GSG1: variants seen among roughly 807,000 people sequenced by gnomAD.
GSG1 encodes germ cell associated 1.
A neutral mutation model predicts 30.8 loss-of-function variants in GSG1; 28 were observed. The observed-to-expected ratio is 0.91, with a 90% CI of 0.67 to 1.25. The LOEUF (loss-of-function observed/expected upper bound fraction) is 1.25, where lower values mean the gene tolerates loss of function less well. Ranked by LOEUF, GSG1 falls within the 50% of genes most tolerant of loss-of-function variation. The pLI is 0.00. For synonymous variants in GSG1, 162 were observed against 178.0 expected (o/e 0.91, Z 0.71); for missense variants, 435 against 444.7 (o/e 0.98, Z 0.20).
Position 13,087,179 on chromosome 12 carries a change from T to C in GSG1, c.719A>G (p.His240Arg), listed in dbSNP as rs767069267. The C allele has an allele frequency of 1.9e-6, 3 of 1,613,792 alleles. No individual in the cohort carries two copies. Among genetic ancestry groups the C allele is most frequent in the Admixed American group, 1.7e-5 (1 of 60,032 alleles). The change falls in exon 6 of 7, where the codon CAT becomes CGT. Residue 240 changes from histidine (H) to arginine (R), a missense_variant. Transcript: ENST00000651961. ...GAAGGCCCAGCCATAATTCCAAACA[T>C]GTGGTCTCCAGTCTTCTGGACCCAA... Reference protein sequence around the residue: ...VNLGPEDWRPHVWNYGWAFYM... With the variant: ...VNLGPEDWRPRVWNYGWAFYM...
intron 6 of GSG1, among the ~76,000 whole-genome samples, 182 bp downstream of exon 6, chr12:13,086,970 C>G (rs1357144878): frequency 1.3e-5 from 2 of 152,148 alleles, no homozygotes; most frequent in Non-Finnish European, 2.9e-5. Context: ...CCTTCCTGTA[C>G]CCCCTCAGAA....
chr12:13,094,838 C>A (rs1351321244), intron 1 of GSG1, among the ~76,000 whole-genome samples: 1 of 152,122 alleles, frequency 6.6e-6, no homozygotes, highest in Non-Finnish European at 1.5e-5. Context: ...GTTATACTTG[C>A]AAGATTTTTA....
In GSG1 at chr12:13,084,204, G is replaced by C. The variant is rs1041073991; in HGVS notation, c.*697C>G. On this transcript the variant is annotated 3_prime_UTR_variant, in exon 7 of 7. Coordinates refer to ENST00000651961, the MANE Select transcript of GSG1 (RefSeq NM_001080555.4). ...AGGAGCCTATGCCCCCTTGTTCACT[G>C]GGAAGTCCCTGGTGTGACTGTCCAG... 1 of 152,134 alleles carries C rather than the reference G, an allele frequency of 6.6e-6. No homozygotes were observed. Among genetic ancestry groups the C allele is most frequent in the Non-Finnish European group, 1.5e-5 (1 of 68,006 alleles). 9.4% of individuals were successfully genotyped at this position (152,134 alleles called of 1,614,324 possible).
At position 13,103,611 on chromosome 12, in the gene GSG1, TC is replaced by T. The variant is rs2121032168; in HGVS notation, c.-100del. 1.5e-6 allele frequency: 2 copies of T among 1,322,162 alleles called. No individual in the cohort carries two copies. The highest frequency in any genetic ancestry group is 2.2e-6 in the Non-Finnish European group (2 of 921,724). The allele number at this position is 1,322,162 out of a possible 1,614,324, so 81.9% of individuals were successfully genotyped here. A position where few individuals can be genotyped will look rare whatever the true frequency, so the allele number is the denominator to read the frequency against. On this transcript the variant is annotated 5_prime_UTR_variant, in exon 1 of 7. Transcript: ENST00000651961. ...GTGTTTAGCGTGAGGATGAATCAGG[TC>T]CCCTCTTGCCAGCAGAGGGGTAAGG...
In GSG1 at chr12:13,087,994, G is replaced by A. The variant is rs1320378073; in HGVS notation, c.547C>T (p.Leu183=). ...GTGAGTAGCAAGTCTGTTAGTAGCAGGAGGAAGCTGATGAATTGAAGTCCG... is the reference window on the plus strand; with the variant it reads ...GTGAGTAGCAAGTCTGTTAGTAGCAAGAGGAAGCTGATGAATTGAAGTCCG... ...YIGLQFISFL[L]LLTDLLLTGN... The change falls in exon 5 of 7, where the codon CTG becomes TTG. Residue 183 remains leucine, a synonymous_variant. Coordinates refer to ENST00000651961, the MANE Select transcript of GSG1 (RefSeq NM_001080555.4). The A allele has an allele frequency of 6.2e-6, 10 of 1,614,134 alleles. No homozygotes were observed. In the East Asian group the frequency reaches 2.0e-4, roughly 32 times the overall value.
At chr12:13,098,413 G>A (rs1862897658) in intron 1 of GSG1, among the ~76,000 whole-genome samples, 1 of 140,332 alleles carries the variant, frequency 7.1e-6, no homozygotes, top group African/African-American at 2.6e-5. Flanking sequence ...GGGGCATCCA[G>A]CCACTCCCTA....
At position 13,089,240 on chromosome 12, in the gene GSG1, G is replaced by C; in HGVS notation, c.401C>G (p.Ala134Gly). 8 of 1,558,660 alleles carry C rather than the reference G, an allele frequency of 5.1e-6. No individual in the cohort carries two copies. Among genetic ancestry groups the C allele is most frequent in the Non-Finnish European group, 7.0e-6 (8 of 1,150,720 alleles). ...LHPQSWKQFRALRSSGTAAAK... is the reference protein window; with the variant it reads ...LHPQSWKQFRGLRSSGTAAAK... ...TGCCGCTGTACCACTGGACCGAAGG[G>C]CTCTAAATTGTTTCCAGGACTGGGG... The change falls in exon 3 of 7, where the codon GCC becomes GGC. Residue 134 changes from alanine to glycine, a missense_variant. Coordinates refer to ENST00000651961, the MANE Select transcript of GSG1 (RefSeq NM_001080555.4).
At chr12:13,097,941 A>G (rs1862854093) in intron 1 of GSG1, among the ~76,000 whole-genome samples, 1 of 152,208 alleles carries the variant, frequency 6.6e-6, no homozygotes, top group Admixed American at 6.5e-5. Context: ...GAATTAGTCC[A>G]CGTTCTAGCC....
intron 6 of GSG1, among the ~76,000 whole-genome samples, chr12:13,086,428 C>T (rs1865529147): frequency 6.6e-6 from 1 of 152,218 alleles, no homozygotes; most frequent in South Asian, 2.1e-4. Flanking sequence ...TGTGTCTTTT[C>T]AGTGCTCTCA....
At chr12:13,098,593 C>T (rs1862924493) in intron 1 of GSG1, among the ~76,000 whole-genome samples, 1 of 147,546 alleles carries the variant, frequency 6.8e-6, no homozygotes, top group Non-Finnish European at 1.5e-5. Flanking sequence ...CCAATGTTTC[C>T]TGATGAGTTT....
chr12:13,099,465 C>G (rs1440352558), intron 1 of GSG1, among the ~76,000 whole-genome samples: 2 of 152,226 alleles, frequency 1.3e-5, no homozygotes, highest in Non-Finnish European at 2.9e-5. Context: ...TATGACACCA[C>G]AAGGCCAACA....
Position 13,090,557 on chromosome 12 carries a change from G to A in GSG1, c.310C>T (p.Arg104Trp), listed in dbSNP as rs536441717. Residue 104 changes from arginine to tryptophan, a missense_variant, in exon 2 of 7, where the codon CGG (arginine) becomes TGG (tryptophan). Physicochemically the swap from Arg to Trp is moderately radical, Grantham distance 101. Transcript: ENST00000651961. ...AGCCACATGCCACTCCGGAAGCTCC[G>A]GAAGGAGAACCGGTCATCCCCAGTC... ...WETGDDRFSF[R>W]SFRSGMWLSC... 69 of 1,614,206 alleles carry A rather than the reference G, an allele frequency of 4.3e-5. No homozygotes were observed. Among genetic ancestry groups the A allele is most frequent in the East Asian group, 1.3e-4 (6 of 44,888 alleles).
chr12:13,100,490 G>T (rs1863119586), intron 1 of GSG1, among the ~76,000 whole-genome samples: 1 of 152,220 alleles, frequency 6.6e-6, no homozygotes, highest in African/African-American at 2.4e-5. Flanking sequence ...ATTATCTTTA[G>T]TGCACAGAGA....
At chr12:13,092,887 G>A (rs935847239) in intron 1 of GSG1, among the ~76,000 whole-genome samples, 8 of 151,610 alleles carry the variant, frequency 5.3e-5, no homozygotes, top group East Asian at 3.9e-4. Flanking sequence ...CAGTTCCCGG[G>A]TTCAAGAGAT....
intron 1 of GSG1, among the ~76,000 whole-genome samples, chr12:13,091,047 A>T (rs568565194): frequency 6.6e-6 from 1 of 152,296 alleles, no homozygotes; most frequent in East Asian, 1.9e-4. Context: ...CCATACGCCC[A>T]AATGGGGGCC....
rs760690018 is a variant in GSG1, at chr12:13,103,509, T to C, written c.4A>G (p.Ser2Gly). M[S>G]DPSQLTQNVC... ...TTTTGAGTCAGTTGAGAGGGATCGC[T>C]CATTCACTCTTGCAGCGGGAAGGCA... Residue 2 changes from serine to glycine, a missense_variant, in exon 1 of 7, where the codon AGC (serine) becomes GGC (glycine). Physicochemically the swap from Ser to Gly is moderately conservative, Grantham distance 56. Coordinates refer to ENST00000651961, the MANE Select transcript of GSG1 (RefSeq NM_001080555.4). The C allele has an allele frequency of 6.2e-7, 1 of 1,614,004 alleles. No individual in the cohort carries two copies. Among genetic ancestry groups the C allele is most frequent in the Admixed American group, 1.7e-5 (1 of 60,030 alleles).
intron 3 of GSG1, 109 bp from the exon 4 acceptor site, chr12:13,089,018 C>A (rs1865831777): frequency 4.3e-6 from 6 of 1,399,054 alleles, no homozygotes; most frequent in East Asian, 2.3e-5. Flanking sequence ...ACAGCACCTG[C>A]CCCGCATAGA....
rs1206928253 is a variant in GSG1, at chr12:13,090,791, G to A, written c.76C>T (p.Gln26Ter). ...AGGATGGCAGATAGGAGTGTCCGCT[G>A]GCCAGAGAAGGCCTTCGAGAGCTCC... ...EMELSKAFSG[Q>*]RTLLSAILSM... The change falls in exon 2 of 7, where the codon CAG (glutamine) becomes TAG (stop). Residue 26 changes from glutamine to a stop codon, truncating the protein, a stop_gained. Transcript: ENST00000651961. LOFTEE classifies it high-confidence loss of function. 6.2e-7 allele frequency: 1 copy of A among 1,613,032 alleles called. No individual in the cohort carries two copies. The highest frequency in any genetic ancestry group is 8.5e-7 in the Non-Finnish European group (1 of 1,179,264).
At chr12:13,085,981 A>G (rs553429956) in intron 6 of GSG1, among the ~76,000 whole-genome samples, 92 of 152,336 alleles carry the variant, frequency 6.0e-4, no homozygotes, top group Middle Eastern at 6.8e-3. Context: ...TATTAAACAC[A>G]TTCCTGAAAA....
Sources: gnomAD v4.1 joint callset for allele counts (sites outside exome capture counted in the v4.1 genomes callset) on GRCh38, gnomAD v4.1.1 for gene constraint, MANE v1.5 for transcripts, NCBI Gene and HGNC (gene_info 2026-07-23, HGNC 2026-07-21) for gene names.